PPL: variants seen among roughly 807,000 people sequenced by gnomAD.
The protein encoded by PPL is 190 kDa paraneoplastic pemphigus antigen.
Under a neutral mutation model 194.4 loss-of-function variants are expected in PPL, and 198 were observed. That is an observed-to-expected ratio of 1.02 (90% CI 0.91 to 1.15). The LOEUF (loss-of-function observed/expected upper bound fraction) is 1.15. Among genes scored for constraint, PPL ranks in the 50% most tolerant of loss-of-function variants. PPL has a pLI of 0.00. For synonymous variants in PPL, 1,220 were observed against 972.4 expected (o/e 1.25, Z -4.74); for missense variants, 2,885 against 2,294.8 (o/e 1.26, Z -5.25).
At chr16:4,927,999 A>G (rs1340729300) in intron 1 of PPL, among the ~76,000 whole-genome samples, 1 of 152,270 alleles carries the variant, frequency 6.6e-6, no homozygotes, top group African/African-American at 2.4e-5. Flanking sequence ...CTGGCTGCTC[A>G]GGAGGCTGAG....
intron 1 of PPL, among the ~76,000 whole-genome samples, chr16:4,918,289 T>G (rs1421431917): frequency 3.0e-5 from 2 of 66,644 alleles, no homozygotes; most frequent in Non-Finnish European, 9.8e-5. Context: ...CAAGACTCCA[T>G]TTCAAAAAAA....
rs771620732 is a variant in PPL at position 4,889,026 on chromosome 16, T to G, written c.2349A>C (p.Glu783Asp). The change falls in exon 19 of 22, where the codon GAA becomes GAC. Residue 783 changes from glutamate (E) to aspartate (D), a missense_variant. Physicochemically the swap from Glu to Asp is conservative, Grantham distance 45. Coordinates refer to ENST00000345988, the MANE Select transcript of PPL (RefSeq NM_002705.5). ...GGGAATTGGCACAGATCTTCTGTAC[T>G]TCCTGCTCCCTACTTGCTATCTCAT... is the stretch of plus-strand genomic sequence containing the variant. ...LLDEIASREQ[E>D]VQKICANSQQ... 5.6e-6 allele frequency: 9 copies of G among 1,613,676 alleles called. No homozygotes were observed. In the African/African-American group the frequency reaches 6.7e-5, roughly 12 times the overall value.
At chr16:4,889,414 C>G (rs1333807736) in intron 18 of PPL, among the ~76,000 whole-genome samples, 2 of 146,926 alleles carry the variant, frequency 1.4e-5, no homozygotes, top group Admixed American at 6.8e-5. Flanking sequence ...GCCACCATAC[C>G]CAGCTAATTT....
At position 4,892,161 on chromosome 16, in the gene PPL, G is replaced by C. The variant is rs1447843164; in HGVS notation, c.1703C>G (p.Ala568Gly). 1.2e-6 allele frequency: 2 copies of C among 1,613,690 alleles called. No individual in the cohort carries two copies. The highest frequency in any genetic ancestry group is 1.3e-5 in the African/African-American group (1 of 74,942). ...RIEPEKTRST[A>G]EGEAFIQALP... ...GGCCTGGATGAAGGCTTCGCCCTCA[G>C]CCGTGCTCCGCGTCTTCTCAGGTTC... The change falls in exon 15 of 22, where the codon GCT (alanine) becomes GGT (glycine). Residue 568 changes from alanine to glycine, a missense_variant. By Grantham distance (60) the Ala-to-Gly change is moderately conservative (BLOSUM62 0). Transcript: ENST00000345988.
intron 1 of PPL, among the ~76,000 whole-genome samples, chr16:4,924,765 T>C (rs997874435): frequency 6.6e-6 from 1 of 151,974 alleles, no homozygotes; most frequent in Non-Finnish European, 1.5e-5. Context: ...TGCAACCCTG[T>C]CCATAGGCCA....
rs148607035 is a variant in PPL, at chr16:4,883,651, C to T, written c.5004G>A (p.Glu1668=). 1.0e-3 allele frequency: 1,681 copies of T among 1,614,188 alleles called. 3 individuals carry two copies. The highest frequency in any genetic ancestry group is 1.3e-3 in the Non-Finnish European group (1,518 of 1,180,024). Residue 1668 remains glutamate, a synonymous_variant, in exon 22 of 22, where the codon GAG becomes GAA. Coordinates refer to ENST00000345988, the MANE Select transcript of PPL (RefSeq NM_002705.5). This position sits in a 1 kb window ranked among gnomAD's most constrained non-coding sequence, Gnocchi z 4.8. ...CACGGTGGGCTTCCTCCGGGGACAG[C>T]TCGCGGCCTGTGTCAGGGTGGATGA... ...IVVIHPDTGR[E]LSPEEAHRAG...
chr16:4,926,889 A>C (rs1265631292), intron 1 of PPL, among the ~76,000 whole-genome samples: 2 of 116,022 alleles, frequency 1.7e-5, no homozygotes, highest in South Asian at 2.5e-4. Context: ...AAAAAAAAAA[A>C]AAACAAAAAA....
chr16:4,884,138 T>C lies in PPL; in HGVS notation c.4517A>G (p.Gln1506Arg), dbSNP rs1172879230. 3.1e-6 allele frequency: 5 copies of C among 1,613,486 alleles called. No homozygotes were observed. The highest frequency in any genetic ancestry group is 4.2e-6 in the Non-Finnish European group (5 of 1,179,936). Residue 1506 changes from glutamine to arginine, a missense_variant, in exon 22 of 22, where the codon CAG (glutamine) becomes CGG (arginine). By Grantham distance (43) the Gln-to-Arg change is conservative. Transcript: ENST00000345988. The surrounding 1 kb of genome is among the most constrained non-coding windows in gnomAD (Gnocchi z 5.7). Reference protein sequence around the residue: ...KEKVVLSESVQVEKGDTEQEI... With the variant: ...KEKVVLSESVRVEKGDTEQEI... ...TTGCTCGGTGTCGCCCTTCTCCACC[T>C]GGACACTCTCGGAGAGCACCACCTT...
intron 1 of PPL, among the ~76,000 whole-genome samples, chr16:4,932,878 C>T (rs1462741107): frequency 6.6e-6 from 1 of 152,134 alleles, no homozygotes; most frequent in Admixed American, 6.6e-5. Context: ...TGTCACCCCA[C>T]CTCATAGATG....
intron 9 of PPL, among the ~76,000 whole-genome samples, chr16:4,896,038 C>A (rs990705752): frequency 6.6e-6 from 1 of 152,254 alleles, no homozygotes; most frequent in Non-Finnish European, 1.5e-5. Context: ...GTACTAGGAA[C>A]ATCCAGACTT....
rs569556879 is a variant in PPL at position 4,891,800 on chromosome 16, C to T, written c.1968+11G>A. The T allele has an allele frequency of 4.4e-6, 7 of 1,604,458 alleles. 1 individual carries two copies. Among genetic ancestry groups the T allele is most frequent in the East Asian group, 4.5e-5 (2 of 44,836 alleles). ...AGAGAAGGACTCCCAGGACTTGGGC[C>T]CTAGACTCACCGCCAGCTCCTGCCC... On this transcript the variant is annotated intron_variant, in intron 16 of 21. Transcript: ENST00000345988.
chr16:4,920,398 C>G (rs1386904638), intron 1 of PPL, among the ~76,000 whole-genome samples: 1 of 132,988 alleles, frequency 7.5e-6, no homozygotes, highest in Non-Finnish European at 1.7e-5. Flanking sequence ...TTCAAAGACA[C>G]CTTTGTGGTT....
At chr16:4,910,189 C>A (rs2088790485) in intron 2 of PPL, among the ~76,000 whole-genome samples, 1 of 152,194 alleles carries the variant, frequency 6.6e-6, no homozygotes. Context: ...AACTGAGGCA[C>A]AGATAGGGGA....
At position 4,910,964 on chromosome 16, in the gene PPL, C is replaced by A. The variant is rs775540007; in HGVS notation, c.63-15G>T. On this transcript the variant is annotated splice_polypyrimidine_tract_variant and intron_variant, in intron 1 of 21. Transcript: ENST00000345988. ...TGTTAGAGATGCTGCGGGCAGAAGC[C>A]GAGGGGAGATGGGCGGGGTGCCTGG... The A allele has an allele frequency of 7.5e-6, 12 of 1,607,126 alleles. No individual in the cohort carries two copies. Among genetic ancestry groups the A allele is most frequent in the Non-Finnish European group, 9.3e-6 (11 of 1,177,770 alleles).
Position 4,913,887 on chromosome 16 carries a change from C to T in PPL, c.63-2938G>A, listed in dbSNP as rs117308972. ...AAGCACCTGCTGTGTGCGGGCCCTG[C>T]ACCTCACAAAGACAAGCCTCTCCCT... On this transcript the variant is annotated intron_variant, in intron 1 of 21. Transcript: ENST00000345988. Among the ~76,000 whole-genome samples the T allele has an allele frequency of 9.1e-3, 1,390 of 152,290 alleles. 6 individuals carry two copies. The highest frequency in any genetic ancestry group is 0.015 in the Non-Finnish European group (1,002 of 68,026).
At position 4,892,066 on chromosome 16, in the gene PPL, G is replaced by C. The variant is rs77121013; in HGVS notation, c.1798C>G (p.Leu600Val). The part of the protein sequence containing the change: ...VEDTNRKYEH[L>V]LQLLDLAQEK... ...TGGGCCAAGTCCAGCAGCTGCAGGAGGTGCTCGTATTTCCGGTTGGTGTCC... is the reference window on the plus strand; with the variant it reads ...TGGGCCAAGTCCAGCAGCTGCAGGACGTGCTCGTATTTCCGGTTGGTGTCC... The change falls in exon 15 of 22, where the codon CTC becomes GTC. Residue 600 changes from leucine to valine, a missense_variant. Leu to Val is a conservative substitution (Grantham distance 32, BLOSUM62 1). Transcript: ENST00000345988. 6.2e-7 allele frequency: 1 copy of C among 1,613,782 alleles called. No homozygotes were observed. The highest frequency in any genetic ancestry group is 1.3e-5 in the African/African-American group (1 of 75,058).
chr16:4,913,647 G>A (rs1479340524), intron 1 of PPL, among the ~76,000 whole-genome samples: 1 of 152,158 alleles, frequency 6.6e-6, no homozygotes, highest in Non-Finnish European at 1.5e-5. Flanking sequence ...AAGTGATTCG[G>A]CTGCCTCAGC....
rs771228377 is a variant in PPL at position 4,885,914 on chromosome 16, T to C, written c.2741A>G (p.Lys914Arg). The change falls in exon 22 of 22, where the codon AAG becomes AGG. Residue 914 changes from lysine to arginine, a missense_variant. Lys to Arg is a conservative substitution (Grantham distance 26). Transcript: ENST00000345988. This position sits in a 1 kb window ranked among gnomAD's most constrained non-coding sequence, Gnocchi z 6.3. ...ERRRQLENEVKSTQEEIWTLR... is the reference protein window; with the variant it reads ...ERRRQLENEVRSTQEEIWTLR... ...GGTCCAGATTTCTTCCTGGGTGCTC[T>C]TGACCTCGTTCTCCAGCTGCCGCCT... 5 of 1,611,756 alleles carry C rather than the reference T, an allele frequency of 3.1e-6. No individual in the cohort carries two copies. The highest frequency in any genetic ancestry group is 3.3e-5 in the Admixed American group (2 of 60,008).
chr16:4,913,616 C>T (rs1371419191), intron 1 of PPL, among the ~76,000 whole-genome samples: 1 of 152,196 alleles, frequency 6.6e-6, no homozygotes, highest in Non-Finnish European at 1.5e-5. Context: ...TGGCTCGCTG[C>T]AACCTCCACT....
Sources: allele counts gnomAD v4.1 joint callset (sites outside exome capture counted in the v4.1 genomes callset), GRCh38; gene constraint gnomAD v4.1.1; non-coding constraint Gnocchi (gnomAD v3.1); transcripts MANE v1.5; gene names NCBI Gene and HGNC (gene_info 2026-07-23, HGNC 2026-07-21).